The following GON4L variants were observed in gnomAD, a reference collection of about 807,000 sequenced individuals.
The protein encoded by GON4L is GON-4-like protein.
Under a neutral mutation model 211.8 loss-of-function variants are expected in GON4L, and 87 were observed. The observed-to-expected ratio is 0.41, with a 90% CI of 0.35 to 0.49. The LOEUF (loss-of-function observed/expected upper bound fraction) is 0.49. GON4L is among the 20% of genes least tolerant of loss of function. GON4L has a pLI of 0.15. For synonymous variants in GON4L, 875 were observed against 962.6 expected (o/e 0.91, Z 1.68); for missense variants, 2,155 against 2,659.5 (o/e 0.81, Z 4.17).
At chr1:155,773,037 T>G (rs1236639679) in intron 18 of GON4L, 29 bp downstream of exon 18, 1 of 1,611,320 alleles carries the variant, frequency 6.2e-7, no homozygotes, top group East Asian at 2.2e-5. Flanking sequence ...GATGTTCTGC[T>G]GTTTTGATCC....
chr1:155,823,921 A>G (rs1668947895), intron 3 of GON4L, among the ~76,000 whole-genome samples: 1 of 152,136 alleles, frequency 6.6e-6, no homozygotes, highest in African/African-American at 2.4e-5. Context: ...TGCTAAATCA[A>G]ATAAAGAAGT....
chr1:155,794,783 C>T (rs1157118535), intron 12 of GON4L, among the ~76,000 whole-genome samples: 1 of 152,158 alleles, frequency 6.6e-6, no homozygotes, highest in East Asian at 1.9e-4. Context: ...TGAACTCCTA[C>T]AGCACAGATG....
At chr1:155,800,793 G>A (rs1666577622) in intron 11 of GON4L, among the ~76,000 whole-genome samples, 1 of 148,880 alleles carries the variant, frequency 6.7e-6, no homozygotes, top group Admixed American at 6.7e-5. Context: ...AGGTTGCAGT[G>A]AGCAGGGATT....
intron 21 of GON4L, chr1:155,764,331 T>C (rs1662184453): frequency 1.3e-5 from 2 of 158,906 alleles, no homozygotes; most frequent in African/African-American, 2.4e-5. Flanking sequence ...TTGGTCAGGC[T>C]GGTTTTGAAC....
chr1:155,784,239 G>A, intron 13 of GON4L, 150 bp from the exon 14 acceptor site: 1 of 1,092,564 alleles, frequency 9.2e-7, no homozygotes, highest in Non-Finnish European at 1.3e-6. Context: ...TCTCACTTCA[G>A]GATTCCCACA....
At chr1:155,758,555 G>C (rs1661429153) in intron 24 of GON4L, among the ~76,000 whole-genome samples, 1 of 151,830 alleles carries the variant, frequency 6.6e-6, no homozygotes, top group Non-Finnish European at 1.5e-5. Flanking sequence ...GAGGATCCCA[G>C]GGGCCTGTGT....
chr1:155,776,479 G>T lies in GON4L; in HGVS notation c.2094C>A (p.His698Gln). Residue 698 changes from histidine (H) to glutamine (Q), a missense_variant and splice_region_variant, in exon 16 of 32, where the codon CAC becomes CAA. His to Gln is a conservative substitution (Grantham distance 24). Transcript: ENST00000368331. ...GGTGGATTTGGGTCAAGAGCTGAACGTGCTGGGGATGGAAAGAAAATGATG... is the reference window on the plus strand; with the variant it reads ...GGTGGATTTGGGTCAAGAGCTGAACTTGCTGGGGATGGAAAGAAAATGATG... ...RKRLQQQMQQ[H>Q]VQLLTQIHLL... 1.9e-6 allele frequency: 3 copies of T among 1,608,568 alleles called. No individual in the cohort carries two copies. The highest frequency in any genetic ancestry group is 2.6e-6 in the Non-Finnish European group (3 of 1,175,040).
rs607790 is a variant in GON4L at position 155,763,423 on chromosome 1, G to T, written c.4615C>A (p.Gln1539Lys). ...EEEAEGMESL[Q>K]KEDEMTDEAV... ...TCATCCGTCATTTCATCCTCTTTCT[G>T]CAGGCTTTCCATTCCTTCTGCTTCT... The change falls in exon 22 of 32, where the codon CAG becomes AAG. Residue 1539 changes from glutamine to lysine, a missense_variant. By Grantham distance (53) the Gln-to-Lys change is moderately conservative. This residue lies in a region of GON4L where 455 missense variants were observed against 504.6 expected (regional missense o/e 0.90). Transcript: ENST00000368331. 2 of 1,584,112 alleles carry T rather than the reference G, an allele frequency of 1.3e-6. No individual in the cohort carries two copies. The highest frequency in any genetic ancestry group is 1.1e-5 in the South Asian group (1 of 87,040).
Position 155,766,253 on chromosome 1 carries a change from C to G in GON4L, c.3220G>C (p.Ala1074Pro). The G allele has an allele frequency of 6.2e-7, 1 of 1,614,154 alleles. No individual in the cohort carries two copies. The highest frequency in any genetic ancestry group is 1.1e-5 in the South Asian group (1 of 91,082). Residue 1074 changes from alanine to proline, a missense_variant, in exon 21 of 32, where the codon GCT becomes CCT. Around this residue, in one of 6 missense-constraint regions of GON4L, gnomAD observed 615 missense variants for 625.7 expected, o/e 0.98. Coordinates refer to ENST00000368331, the MANE Select transcript of GON4L (RefSeq NM_001282860.2). ...CTTGTCCTGGCCTCAGGGGGCACAG[C>G]AGGCAGTGCTGCAGGAGACTCAAAA... ...ESFESPAALP[A>P]VPPEARTSFP...
intron 2 of GON4L, 51 bp from the exon 3 acceptor site, chr1:155,827,079 T>A: frequency 7.5e-7 from 1 of 1,330,752 alleles, no homozygotes; most frequent in Non-Finnish European, 1.1e-6. Context: ...TCAGTCATAC[T>A]CTGTTGTAGA....
At chr1:155,779,933 T>G (rs374342707) in intron 14 of GON4L, among the ~76,000 whole-genome samples, 5 of 152,046 alleles carry the variant, frequency 3.3e-5, no homozygotes, top group African/African-American at 1.2e-4. Flanking sequence ...GAGTAGCTGG[T>G]ATTACAGGCA....
chr1:155,834,634 T>C (rs1305899545), intron 2 of GON4L, among the ~76,000 whole-genome samples: 2 of 152,172 alleles, frequency 1.3e-5, no homozygotes, highest in African/African-American at 2.4e-5. Flanking sequence ...AAAAGCAAGA[T>C]GGTGATGAAA....
At chr1:155,755,544 G>A (rs958541069) in intron 27 of GON4L, among the ~76,000 whole-genome samples, 2 of 151,764 alleles carry the variant, frequency 1.3e-5, no homozygotes, top group Non-Finnish European at 2.9e-5. Flanking sequence ...TCCTCACATC[G>A]CCTGGGGAAA....
chr1:155,852,424 A>C (rs1179535440), intron 2 of GON4L, among the ~76,000 whole-genome samples: 1 of 152,062 alleles, frequency 6.6e-6, no homozygotes, highest in Non-Finnish European at 1.5e-5. Context: ...AGACACACCA[A>C]ATAAAGGATG....
intron 16 of GON4L, 123 bp downstream of exon 16, chr1:155,776,272 A>G: frequency 1.2e-6 from 1 of 816,338 alleles, no homozygotes; most frequent in East Asian, 2.6e-5. Context: ...AAAGCAGGCA[A>G]AACAATCAAA....
intron 14 of GON4L, among the ~76,000 whole-genome samples, chr1:155,778,338 G>A (rs1458943339): frequency 1.3e-5 from 2 of 152,014 alleles, no homozygotes; most frequent in Non-Finnish European, 1.5e-5. Context: ...TGCAACCTCC[G>A]CCTCCAGGGT....
chr1:155,853,279 C>G lies in GON4L; in HGVS notation c.502G>C (p.Gly168Arg), dbSNP rs767295528. 1.6e-5 allele frequency: 26 copies of G among 1,613,294 alleles called. No individual in the cohort carries two copies. Among genetic ancestry groups the G allele is most frequent in the African/African-American group, 2.7e-5 (2 of 74,916 alleles). The change falls in exon 2 of 32, where the codon GGA (glycine) becomes CGA (arginine). Residue 168 changes from glycine (G) to arginine (R), a missense_variant. Physicochemically the swap from Gly to Arg is moderately radical, Grantham distance 125. This residue lies in a region of GON4L where 313 missense variants were observed against 293.2 expected (regional missense o/e 1.07). Coordinates refer to ENST00000368331, the MANE Select transcript of GON4L (RefSeq NM_001282860.2). ...CTAGAGACCTTGTATACCTTACCTCCTTCTTCCTTGACTTCTTCACTAGGC... is the reference window on the plus strand; with the variant it reads ...CTAGAGACCTTGTATACCTTACCTCGTTCTTCCTTGACTTCTTCACTAGGC... ...GEPSEEVKEEGGKPQMNSEGE... is the reference protein window; with the variant it reads ...GEPSEEVKEERGKPQMNSEGE...
At chr1:155,831,132 C>A (rs951826422) in intron 2 of GON4L, among the ~76,000 whole-genome samples, 1 of 151,870 alleles carries the variant, frequency 6.6e-6, no homozygotes, top group African/African-American at 2.4e-5. Flanking sequence ...AACGCTATCT[C>A]GACAAAAAAT....
chr1:155,802,422 G>A (rs1346642613), intron 11 of GON4L, among the ~76,000 whole-genome samples: 20 of 151,918 alleles, frequency 1.3e-4, no homozygotes. Flanking sequence ...ACTCTGGAAA[G>A]AATATATCCT....
Sources: allele counts gnomAD v4.1 joint callset (sites outside exome capture counted in the v4.1 genomes callset), GRCh38; gene constraint gnomAD v4.1.1; regional missense constraint gnomAD v4.1.1; transcripts MANE v1.5; gene names NCBI Gene and HGNC (gene_info 2026-07-23, HGNC 2026-07-21).